CACNA2D3: variants seen among roughly 807,000 people sequenced by gnomAD.
CACNA2D3 encodes voltage-dependent calcium channel subunit alpha-2/delta-3.
Under a neutral mutation model 160.6 loss-of-function variants are expected in CACNA2D3, and 60 were observed. That is an observed-to-expected ratio of 0.37 (90% CI 0.30 to 0.46). The LOEUF is 0.46. Ranked by LOEUF, CACNA2D3 falls within the 20% of genes least tolerant of loss-of-function variation. The probability of loss-of-function intolerance (pLI) is 1.00; values close to 1 mark genes in which losing one functional copy is unlikely to be tolerated. For missense variants in CACNA2D3, 1,205 were observed against 1,365.0 expected (o/e 0.88, Z 1.85); for synonymous variants, 558 against 492.9 (o/e 1.13, Z -1.75).
chr3:54,985,555 G>A (rs1187827601), intron 30 of CACNA2D3, among the ~76,000 whole-genome samples: 2 of 152,192 alleles, frequency 1.3e-5, no homozygotes, highest in Non-Finnish European at 2.9e-5. Context: ...TCCTTAACTT[G>A]TCTAGACCTC....
chr3:54,571,397 A>G (rs1410517418), intron 8 of CACNA2D3, among the ~76,000 whole-genome samples: 1 of 152,180 alleles, frequency 6.6e-6, no homozygotes, highest in East Asian at 1.9e-4. Flanking sequence ...TAAATTTTAA[A>G]AGAGCCTTTG....
At chr3:54,783,148 C>T (rs1263457212) in intron 13 of CACNA2D3, among the ~76,000 whole-genome samples, 1 of 152,102 alleles carries the variant, frequency 6.6e-6, no homozygotes, top group Non-Finnish European at 1.5e-5. Context: ...GCAAGAAGGT[C>T]TCCTGCATAC....
intron 35 of CACNA2D3, among the ~76,000 whole-genome samples, chr3:55,042,380 C>A: frequency 6.6e-6 from 1 of 152,004 alleles, no homozygotes; most frequent in East Asian, 1.9e-4. Flanking sequence ...ATCTTATTTT[C>A]TGTCTTATTT....
intron 4 of CACNA2D3, among the ~76,000 whole-genome samples, chr3:54,400,398 A>G (rs1699433591): frequency 1.3e-5 from 2 of 151,998 alleles, no homozygotes; most frequent in Admixed American, 6.6e-5. Flanking sequence ...CTCCTCTTCC[A>G]TGGATATTCT....
At chr3:54,915,114 G>A (rs1458152851) in intron 27 of CACNA2D3, among the ~76,000 whole-genome samples, 1 of 152,106 alleles carries the variant, frequency 6.6e-6, no homozygotes, top group African/African-American at 2.4e-5. Flanking sequence ...ATTTTTATAA[G>A]GAAAAATGAA....
chr3:54,461,755 G>C (rs536764385), intron 4 of CACNA2D3, among the ~76,000 whole-genome samples: 1 of 151,830 alleles, frequency 6.6e-6, no homozygotes, highest in Non-Finnish European at 1.5e-5. Context: ...TTTTTGAAGG[G>C]TTTTTTGTGT....
rs960794383 is a variant in CACNA2D3, at chr3:55,074,426, A to G, written c.*220A>G. Reference sequence around the variant, plus strand: ...TTACTTTGCCAGTCATGCAAATGTGAGTTTGCCACATGATAATCACCCTTC... The same window carrying G: ...TTACTTTGCCAGTCATGCAAATGTGGGTTTGCCACATGATAATCACCCTTC... On this transcript the variant is annotated 3_prime_UTR_variant, in exon 38 of 38. Coordinates refer to ENST00000474759, the MANE Select transcript of CACNA2D3 (RefSeq NM_018398.3). 4 of 552,718 alleles carry G rather than the reference A, an allele frequency of 7.2e-6. No individual in the cohort carries two copies. Among genetic ancestry groups the G allele is most frequent in the Non-Finnish European group, 9.7e-6 (3 of 309,136 alleles). The allele number at this position is 552,718 out of a possible 1,614,324, so 34.2% of individuals were successfully genotyped here. A position where few individuals can be genotyped will look rare whatever the true frequency, so the allele number is the denominator to read the frequency against.
At chr3:54,849,980 T>C (rs1421245416) in intron 17 of CACNA2D3, among the ~76,000 whole-genome samples, 1 of 152,240 alleles carries the variant, frequency 6.6e-6, no homozygotes, top group African/African-American at 2.4e-5. Flanking sequence ...TTGTGTGATT[T>C]GGTTGTGAAT....
intron 2 of CACNA2D3, among the ~76,000 whole-genome samples, chr3:54,305,956 C>G (rs1290611944): frequency 6.6e-6 from 1 of 152,172 alleles, no homozygotes; most frequent in Non-Finnish European, 1.5e-5. Context: ...ACGATAATGA[C>G]TCTAGACTCA....
intron 3 of CACNA2D3, among the ~76,000 whole-genome samples, chr3:54,365,530 A>G: frequency 6.6e-6 from 1 of 152,016 alleles, no homozygotes; most frequent in Non-Finnish European, 1.5e-5. Context: ...TCACTGAGTA[A>G]TGACTGTATG....
intron 4 of CACNA2D3, among the ~76,000 whole-genome samples, chr3:54,472,022 A>G (rs1229689162): frequency 6.6e-6 from 1 of 152,220 alleles, no homozygotes; most frequent in Non-Finnish European, 1.5e-5. Context: ...ATAGAAAAAA[A>G]GGGACTCCTC....
intron 27 of CACNA2D3, among the ~76,000 whole-genome samples, chr3:54,927,446 A>G (rs1701054514): frequency 2.6e-5 from 4 of 152,204 alleles, no homozygotes; most frequent in Non-Finnish European, 5.9e-5. Flanking sequence ...TAATGAACGG[A>G]CACCCCTCAT....
chr3:54,201,899 C>T (rs898108941), intron 2 of CACNA2D3, among the ~76,000 whole-genome samples: 1 of 152,186 alleles, frequency 6.6e-6, no homozygotes. Flanking sequence ...ATTTAATGCA[C>T]ATCAGAACTC....
chr3:54,765,371 C>T (rs1244901335), intron 13 of CACNA2D3, among the ~76,000 whole-genome samples: 1 of 152,108 alleles, frequency 6.6e-6, no homozygotes, highest in East Asian at 1.9e-4. Context: ...AAGGGAGACT[C>T]CTTCCCCAGG....
chr3:54,866,989 A>C (rs1699415756), intron 17 of CACNA2D3, among the ~76,000 whole-genome samples: 1 of 151,750 alleles, frequency 6.6e-6, no homozygotes, highest in African/African-American at 2.4e-5. Context: ...AACAGGCACC[A>C]AAAACTACAA....
chr3:55,015,229 A>AGCAGTT (rs1200958452), intron 34 of CACNA2D3, among the ~76,000 whole-genome samples: 2 of 152,192 alleles, frequency 1.3e-5, no homozygotes, highest in African/African-American at 4.8e-5. Context: ...AACTTCACAG[A>AGCAGTT]GCAGTTAAAC....
chr3:54,222,555 CACTA>C (rs760994923), intron 2 of CACNA2D3, among the ~76,000 whole-genome samples: 3 of 152,216 alleles, frequency 2.0e-5, no homozygotes, highest in African/African-American at 4.8e-5. Context: ...AAACTAAACA[CACTA>C]ACCCTGTGCC....
At chr3:54,595,649 G>T (rs1178250125) in intron 9 of CACNA2D3, among the ~76,000 whole-genome samples, 1 of 152,114 alleles carries the variant, frequency 6.6e-6, no homozygotes, top group Non-Finnish European at 1.5e-5. Context: ...CACACAGCCT[G>T]CCCTCTTCCT....
At chr3:54,597,543 T>C (rs1053600068) in intron 9 of CACNA2D3, among the ~76,000 whole-genome samples, 3 of 152,132 alleles carry the variant, frequency 2.0e-5, no homozygotes, top group Admixed American at 6.5e-5. Context: ...CATAGGTAAG[T>C]GAATGGATAA....
Sources: gnomAD v4.1 joint callset for allele counts (sites outside exome capture counted in the v4.1 genomes callset) on GRCh38, gnomAD v4.1.1 for gene constraint, MANE v1.5 for transcripts, NCBI Gene and HGNC (gene_info 2026-07-23, HGNC 2026-07-21) for gene names.